Variants in CPSF3 observed in about 807,000 individuals in gnomAD.
CPSF3 encodes cleavage and polyadenylation specific factor 3, also known as cleavage and polyadenylation specificity factor subunit 3.
CPSF3 carries 57 observed loss-of-function variants against 84.1 expected under a neutral mutation model. The observed-to-expected ratio is 0.68, with a 90% CI of 0.55 to 0.85. The LOEUF is 0.85. Among genes scored for constraint, CPSF3 ranks in the 40% least tolerant of loss-of-function variants. CPSF3 has a pLI of 0.00. For missense variants in CPSF3, 522 were observed against 838.8 expected (o/e 0.62, Z 4.66); for synonymous variants, 275 against 278.1 (o/e 0.99, Z 0.11).
intron 16 of CPSF3, among the ~76,000 whole-genome samples, chr2:9,469,717 A>G (rs1482574439): frequency 6.6e-6 from 1 of 152,012 alleles, no homozygotes; most frequent in Non-Finnish European, 1.5e-5. Context: ...GACAGCTTCC[A>G]TTCGGCCAGG....
intron 1 of CPSF3, among the ~76,000 whole-genome samples, chr2:9,426,272 T>G (rs553594710): frequency 1.6e-4 from 25 of 152,146 alleles, no homozygotes; most frequent in African/African-American, 6.0e-4. Flanking sequence ...GAAGGGCAAA[T>G]TAGAGGAGGT....
intron 12 of CPSF3, among the ~76,000 whole-genome samples, chr2:9,454,253 C>T (rs1052805206): frequency 6.6e-6 from 1 of 151,978 alleles, no homozygotes; most frequent in African/African-American, 2.4e-5. Flanking sequence ...ACTAAAAATA[C>T]AAAAATTAGC....
At chr2:9,452,408 A>ATTT (rs2124843433) in intron 11 of CPSF3, among the ~76,000 whole-genome samples, 1 of 152,052 alleles carries the variant, frequency 6.6e-6, no homozygotes, top group Non-Finnish European at 1.5e-5. Flanking sequence ...TTCTCTTAAA[A>ATTT]ATGTTTCTCC....
At position 9,459,587 on chromosome 2, in the gene CPSF3, G is replaced by A; in HGVS notation, c.1755G>A (p.Leu585=). 6.4e-7 allele frequency: 1 copy of A among 1,564,292 alleles called. No individual in the cohort carries two copies. Among genetic ancestry groups the A allele is most frequent in the South Asian group, 1.1e-5 (1 of 88,568 alleles). The change falls in exon 15 of 18, where the codon TTG becomes TTA. Residue 585 remains leucine (L), a synonymous_variant. Coordinates refer to ENST00000238112, the MANE Select transcript of CPSF3 (RefSeq NM_016207.4). The part of the protein sequence containing the change: ...MYADTVTTVI[L]EVQSNPKIRK... ...CAGATACAGTAACAACTGTGATATT[G>A]GAAGTTCAGTCAAATCCCAAAATAA...
intron 15 of CPSF3, among the ~76,000 whole-genome samples, chr2:9,461,652 A>G (rs143039791): frequency 6.6e-6 from 1 of 151,572 alleles, no homozygotes; most frequent in South Asian, 2.1e-4. Flanking sequence ...CCTGGGTGAC[A>G]GAGCAATACT....
In CPSF3 at chr2:9,451,940, T is replaced by C. The variant is rs111462763; in HGVS notation, c.1396-973T>C. Among the ~76,000 whole-genome samples, 773 of 152,128 alleles carry C rather than the reference T, an allele frequency of 5.1e-3. 8 individuals are homozygous for C. Among genetic ancestry groups the C allele is most frequent in the African/African-American group, 0.018 (747 of 41,554 alleles). On this transcript the variant is annotated intron_variant, in intron 11 of 17. Coordinates refer to ENST00000238112, the MANE Select transcript of CPSF3 (RefSeq NM_016207.4). ...ATTATATTGGCCAGGATGGTCTCAA[T>C]CTCGTGACCTCATGATCCGCCTGCC...
chr2:9,423,777 T>C lies in CPSF3; in HGVS notation c.4T>C (p.Ser2Pro). M[S>P]AIPAEESDQL... The stretch of plus-strand genomic sequence containing the variant: ...GCTTCGCCCTCACACTTTCGGGATG[T>C]CTGCGATTCCTGCTGAGGAGAGCGA... The change falls in exon 1 of 18, where the codon TCT becomes CCT. Residue 2 changes from serine to proline, a missense_variant. Coordinates refer to ENST00000238112, the MANE Select transcript of CPSF3 (RefSeq NM_016207.4). The C allele has an allele frequency of 6.2e-7, 1 of 1,613,618 alleles. No individual in the cohort carries two copies. The highest frequency in any genetic ancestry group is 1.1e-5 in the South Asian group (1 of 90,996).
At chr2:9,446,796 A>G (rs946437455) in intron 10 of CPSF3, among the ~76,000 whole-genome samples, 1 of 151,932 alleles carries the variant, frequency 6.6e-6, no homozygotes. Flanking sequence ...AGAAGTTACA[A>G]AAGTGAATGG....
chr2:9,461,262 C>T (rs1681716072), intron 15 of CPSF3, among the ~76,000 whole-genome samples: 1 of 152,164 alleles, frequency 6.6e-6, no homozygotes, highest in Non-Finnish European at 1.5e-5. Context: ...AGCCACAACG[C>T]ATTTATATAA....
chr2:9,442,032 A>G (rs1295633948), intron 9 of CPSF3, 56 bp downstream of exon 9: 3 of 1,570,082 alleles, frequency 1.9e-6, no homozygotes, highest in South Asian at 1.1e-5. Flanking sequence ...CGGAGGTGGC[A>G]CGGTCCTCAC....
chr2:9,466,382 GCACACACGCGCACA>G (rs1320122710), intron 15 of CPSF3, among the ~76,000 whole-genome samples: 2 of 70,668 alleles, frequency 2.8e-5, no homozygotes, highest in Admixed American at 1.3e-4. Context: ...CCACGCACTC[GCACACACGCGCACA>G]CACACGCACG....
At chr2:9,430,069 C>A in intron 3 of CPSF3, 49 bp downstream of exon 3, 2 of 1,075,450 alleles carry the variant, frequency 1.9e-6, no homozygotes, top group Non-Finnish European at 1.4e-6. Flanking sequence ...CTTTTACTAT[C>A]AAGATCATTC....
At chr2:9,429,447 G>A (rs1438957877) in intron 2 of CPSF3, among the ~76,000 whole-genome samples, 1 of 152,192 alleles carries the variant, frequency 6.6e-6, no homozygotes, top group Non-Finnish European at 1.5e-5. Flanking sequence ...TAATTTGGTA[G>A]TAACGCCATA....
intron 15 of CPSF3, 63 bp downstream of exon 15, chr2:9,459,681 GCT>G (rs1681665464): frequency 8.8e-6 from 6 of 685,446 alleles, no homozygotes; most frequent in Non-Finnish European, 1.3e-5. Context: ...ACGGATACTA[GCT>G]CTGTCATCCA....
At chr2:9,443,844 C>G (rs972547544) in intron 10 of CPSF3, among the ~76,000 whole-genome samples, 183 bp downstream of exon 10, 6 of 152,076 alleles carry the variant, frequency 3.9e-5, no homozygotes, top group Non-Finnish European at 7.4e-5. Context: ...GCAAGCTGCC[C>G]CCTTTCTCCA....
chr2:9,436,188 C>T, intron 6 of CPSF3, 23 bp from the exon 7 acceptor site: 1 of 1,538,500 alleles, frequency 6.5e-7, no homozygotes, highest in Non-Finnish European at 8.8e-7. Context: ...GTCTTAGTCT[C>T]ACACTTCTAA....
At chr2:9,432,733 A>G in intron 5 of CPSF3, 45 bp downstream of exon 5, 1 of 1,422,124 alleles carries the variant, frequency 7.0e-7, no homozygotes, top group East Asian at 2.4e-5. Flanking sequence ...AAATCAGTAC[A>G]GAGCTTTGTG....
At chr2:9,462,450 G>A (rs566893804) in intron 15 of CPSF3, among the ~76,000 whole-genome samples, 5 of 152,324 alleles carry the variant, frequency 3.3e-5, no homozygotes, top group African/African-American at 9.6e-5. Flanking sequence ...GATGTTTAGT[G>A]TCTGAGCTCT....
chr2:9,468,503 A>C (rs978427542), intron 16 of CPSF3, among the ~76,000 whole-genome samples: 1 of 151,492 alleles, frequency 6.6e-6, no homozygotes, highest in Non-Finnish European at 1.5e-5. Context: ...GGAATTACAG[A>C]TGTGAGCCCT....
Sources: gnomAD v4.1 joint callset for allele counts (sites outside exome capture counted in the v4.1 genomes callset) on GRCh38, gnomAD v4.1.1 for gene constraint, MANE v1.5 for transcripts, NCBI Gene and HGNC (gene_info 2026-07-23, HGNC 2026-07-21) for gene names.